Variants in ERBB4 observed in about 807,000 individuals in gnomAD.
ERBB4 encodes the protein receptor tyrosine-protein kinase erbB-4.
ERBB4 carries 42 observed loss-of-function variants against 158.0 expected under a neutral mutation model. The observed-to-expected ratio is 0.27, with a 90% confidence interval of 0.21 to 0.34. The LOEUF (loss-of-function observed/expected upper bound fraction) is 0.34. Among genes scored for constraint, ERBB4 ranks in the 10% least tolerant of loss-of-function variants. The probability of loss-of-function intolerance (pLI) is 1.00; values close to 1 mark genes in which losing one functional copy is unlikely to be tolerated. For missense variants in ERBB4, 1,333 were observed against 1,624.1 expected (o/e 0.82, Z 3.08); for synonymous variants, 583 against 558.7 (o/e 1.04, Z -0.61).
intron 3 of ERBB4, among the ~76,000 whole-genome samples, chr2:211,936,898 T>C (rs1225602007): frequency 6.6e-6 from 1 of 152,170 alleles, no homozygotes; most frequent in Non-Finnish European, 1.5e-5. Flanking sequence ...TAGATACAGA[T>C]AAATGGAAAA....
chr2:212,245,209 A>G (rs2084265658), intron 1 of ERBB4, among the ~76,000 whole-genome samples: 1 of 152,172 alleles, frequency 6.6e-6, no homozygotes, highest in East Asian at 1.9e-4. Flanking sequence ...TGAAAAAAAA[A>G]GTATTTTATA....
At chr2:211,809,602 A>C (rs1391664161) in intron 3 of ERBB4, among the ~76,000 whole-genome samples, 1 of 152,094 alleles carries the variant, frequency 6.6e-6, no homozygotes, top group Non-Finnish European at 1.5e-5. Context: ...TAGTCTTGCT[A>C]GCAGTCTATC....
intron 1 of ERBB4, among the ~76,000 whole-genome samples, chr2:212,129,571 G>A (rs991764503): frequency 2.0e-5 from 3 of 151,642 alleles, no homozygotes; most frequent in Admixed American, 2.0e-4. Flanking sequence ...ACCCTACATT[G>A]CAATAATTCA....
At chr2:211,448,877 T>C (rs2064175493) in intron 20 of ERBB4, among the ~76,000 whole-genome samples, 1 of 152,156 alleles carries the variant, frequency 6.6e-6, no homozygotes, top group African/African-American at 2.4e-5. Flanking sequence ...AAAAATTAAA[T>C]GCACATTTTT....
rs766769746 is a variant in ERBB4 at position 211,382,173 on chromosome 2, A to AT, written c.*1441dup. On this transcript the variant is annotated 3_prime_UTR_variant, in exon 28 of 28. Transcript: ENST00000342788. Reference sequence around the variant, plus strand: ...GAATGTTTGTGTTTTTCTTTTTATTATACCAATTTATGTGCAAAGAGTTAC... The same window carrying AT: ...GAATGTTTGTGTTTTTCTTTTTATTATTACCAATTTATGTGCAAAGAGTTAC... 8 of 231,244 alleles carry AT rather than the reference A, an allele frequency of 3.5e-5. No individual in the cohort carries two copies. The highest frequency in any genetic ancestry group is 5.1e-5 in the Non-Finnish European group (6 of 116,854). The allele number at this position is 231,244 out of a possible 1,614,324, so 14.3% of individuals were successfully genotyped here.
At chr2:212,118,076 A>T (rs959328278) in intron 2 of ERBB4, among the ~76,000 whole-genome samples, 2 of 152,304 alleles carry the variant, frequency 1.3e-5, no homozygotes, top group Non-Finnish European at 2.9e-5. Flanking sequence ...CATGAGGAAG[A>T]TATGGAAAAC....
chr2:212,023,618 T>A (rs1220313541), intron 2 of ERBB4, among the ~76,000 whole-genome samples: 1 of 151,982 alleles, frequency 6.6e-6, no homozygotes, highest in Non-Finnish European at 1.5e-5. Flanking sequence ...ATATGCAGAC[T>A]TCAACATGCA....
At chr2:211,595,830 T>C (rs1304791510) in intron 19 of ERBB4, among the ~76,000 whole-genome samples, 2 of 152,224 alleles carry the variant, frequency 1.3e-5, no homozygotes, top group Non-Finnish European at 2.9e-5. Context: ...ATACGTGGGT[T>C]CTTCAGGCTG....
chr2:211,550,382 AT>A (rs1183290479), intron 20 of ERBB4, among the ~76,000 whole-genome samples: 5 of 151,786 alleles, frequency 3.3e-5, no homozygotes, highest in Admixed American at 2.6e-4. Context: ...AGAAAAAAAA[AT>A]GTACTCTTCC....
intron 3 of ERBB4, among the ~76,000 whole-genome samples, chr2:211,847,321 G>A (rs34706082): frequency 0.1 from 15,192 of 151,980 alleles, 876 homozygotes; most frequent in Admixed American, 0.14. Flanking sequence ...GTCAACAAGC[G>A]GTTACAATAA....
intron 2 of ERBB4, among the ~76,000 whole-genome samples, chr2:212,016,343 A>G (rs1237029071): frequency 6.6e-6 from 1 of 152,148 alleles, no homozygotes; most frequent in Non-Finnish European, 1.5e-5. Context: ...ATCAACTATG[A>G]AAAAAGACGA....
At chr2:212,231,325 T>C (rs2083658830) in intron 1 of ERBB4, among the ~76,000 whole-genome samples, 1 of 152,214 alleles carries the variant, frequency 6.6e-6, no homozygotes, top group Non-Finnish European at 1.5e-5. Flanking sequence ...CCTTTTCACT[T>C]CATTTTTGAC....
chr2:211,771,200 G>T (rs1021833917), intron 4 of ERBB4, among the ~76,000 whole-genome samples: 2 of 152,154 alleles, frequency 1.3e-5, no homozygotes, highest in East Asian at 1.9e-4. Context: ...ACATACCCAC[G>T]ATTGGAAACC....
chr2:211,785,579 TTTGAG>T (rs2076141326), intron 4 of ERBB4, among the ~76,000 whole-genome samples: 1 of 152,134 alleles, frequency 6.6e-6, no homozygotes, highest in Non-Finnish European at 1.5e-5. Context: ...GTAATTCGCT[TTTGAG>T]TTAATTTTTG....
chr2:212,436,223 T>C (rs940474114), intron 1 of ERBB4, among the ~76,000 whole-genome samples: 4 of 151,832 alleles, frequency 2.6e-5, no homozygotes, highest in Admixed American at 2.6e-4. Flanking sequence ...GAAAAAGCAA[T>C]CGGTAAGATC....
At chr2:212,157,194 C>T (rs565382860) in intron 1 of ERBB4, among the ~76,000 whole-genome samples, 7 of 152,126 alleles carry the variant, frequency 4.6e-5, no homozygotes, top group Middle Eastern at 3.4e-3. Flanking sequence ...GACGTTTTCC[C>T]CAGCATTTCT....
chr2:212,086,416 G>A (rs560052072), intron 2 of ERBB4, among the ~76,000 whole-genome samples: 18 of 149,314 alleles, frequency 1.2e-4, no homozygotes, highest in Admixed American at 6.0e-4. Context: ...GATTTAAATC[G>A]CACTAAGGCC....
At chr2:212,235,278 A>T (rs2083820823) in intron 1 of ERBB4, among the ~76,000 whole-genome samples, 1 of 152,128 alleles carries the variant, frequency 6.6e-6, no homozygotes, top group Non-Finnish European at 1.5e-5. Flanking sequence ...CAAAGATCAG[A>T]TGATTGTATA....
At chr2:212,504,226 T>C (rs1465284824) in intron 1 of ERBB4, among the ~76,000 whole-genome samples, 1 of 152,196 alleles carries the variant, frequency 6.6e-6, no homozygotes, top group Non-Finnish European at 1.5e-5. Context: ...CATAGATTGC[T>C]ATTAAATCTT....
Sources: gnomAD v4.1 joint callset for allele counts (sites outside exome capture counted in the v4.1 genomes callset) on GRCh38, gnomAD v4.1.1 for gene constraint, MANE v1.5 for transcripts, NCBI Gene and HGNC (gene_info 2026-07-23, HGNC 2026-07-21) for gene names.